NFIB: variants seen among roughly 807,000 people sequenced by gnomAD.
NFIB encodes nuclear factor I B.
Under a neutral mutation model 61.5 loss-of-function variants are expected in NFIB, and 11 were observed. That is an observed-to-expected ratio of 0.18 (90% CI 0.11 to 0.30). NFIB has a LOEUF of 0.30. Ranked by LOEUF, NFIB falls within the 10% of genes least tolerant of loss-of-function variation. NFIB has a pLI of 1.00. For missense variants in NFIB, 471 were observed against 608.9 expected, an observed-to-expected ratio of 0.77 and a Z score of 2.38; for synonymous variants, 260 against 216.5, an observed-to-expected ratio of 1.20 and a Z score of -1.76.
At chr9:14,211,700 G>T (rs938366584) in intron 2 of NFIB, among the ~76,000 whole-genome samples, 1 of 152,200 alleles carries the variant, frequency 6.6e-6, no homozygotes, top group African/African-American at 2.4e-5. Flanking sequence ...TCCACCCTGC[G>T]GGGCCGTCTG....
intron 1 of NFIB, among the ~76,000 whole-genome samples, chr9:14,369,539 C>G (rs1305045096): frequency 6.6e-6 from 1 of 152,026 alleles, no homozygotes; most frequent in African/African-American, 2.4e-5. Flanking sequence ...TTAACATCTC[C>G]AAGCCAGAAC....
the NFIB span, among the ~76,000 whole-genome samples, chr9:14,449,837 G>C: frequency 6.6e-6 from 1 of 152,084 alleles, no homozygotes; most frequent in Non-Finnish European, 1.5e-5. Context: ...CGGAGGCTGA[G>C]GCATGAGAAT....
chr9:14,421,815 A>G, the NFIB span, among the ~76,000 whole-genome samples: 1 of 152,210 alleles, frequency 6.6e-6, no homozygotes, highest in Non-Finnish European at 1.5e-5. Context: ...CAATTCTTCT[A>G]TATTTTCATG....
At chr9:14,179,909 TC>T (rs2046578670) in intron 2 of NFIB, 129 bp from the exon 3 acceptor site, 14 of 746,790 alleles carry the variant, frequency 1.9e-5, no homozygotes, top group Non-Finnish European at 2.8e-5. Context: ...AAATACACTT[TC>T]CCAAGACTTT....
At chr9:14,456,037 G>T in the NFIB span, among the ~76,000 whole-genome samples, 1 of 152,092 alleles carries the variant, frequency 6.6e-6, no homozygotes, top group Non-Finnish European at 1.5e-5. Context: ...AAACAAGTTG[G>T]ACCTGACCTC....
the NFIB span, among the ~76,000 whole-genome samples, chr9:14,476,282 A>G: frequency 6.6e-6 from 1 of 150,588 alleles, no homozygotes; most frequent in South Asian, 2.1e-4. Flanking sequence ...ATTAAATGGG[A>G]AAAACACTCA....
At chr9:14,293,570 T>A (rs1270356287) in intron 2 of NFIB, among the ~76,000 whole-genome samples, 4 of 152,220 alleles carry the variant, frequency 2.6e-5, no homozygotes, top group African/African-American at 9.6e-5. Flanking sequence ...AACAAAGCTG[T>A]AATGATGATG....
intron 6 of NFIB, among the ~76,000 whole-genome samples, chr9:14,139,493 A>G (rs2041450337): frequency 6.6e-6 from 1 of 152,178 alleles, no homozygotes; most frequent in Admixed American, 6.5e-5. Context: ...CCACTTCCCT[A>G]TTTTAAGCTG....
intron 1 of NFIB, among the ~76,000 whole-genome samples, chr9:14,332,846 A>G (rs1418433694): frequency 1.3e-5 from 2 of 152,188 alleles, no homozygotes; most frequent in Admixed American, 6.5e-5. Flanking sequence ...TAACAGAAAC[A>G]TAGAGCTTGT....
chr9:14,378,791 G>A (rs1293162324), intron 1 of NFIB, among the ~76,000 whole-genome samples: 2 of 152,194 alleles, frequency 1.3e-5, no homozygotes, highest in African/African-American at 4.8e-5. Flanking sequence ...GACCGTGATT[G>A]TTACCTGGAG....
intron 5 of NFIB, among the ~76,000 whole-genome samples, chr9:14,148,911 G>A (rs149595095): frequency 1.8e-3 from 280 of 152,220 alleles, no homozygotes; most frequent in African/African-American, 6.5e-3. Context: ...TGAGTCAGCA[G>A]AAAATCTGCC....
intron 2 of NFIB, among the ~76,000 whole-genome samples, chr9:14,231,138 ATATATATATAT>A (rs1563926552): frequency 1.1e-5 from 1 of 90,142 alleles, no homozygotes; most frequent in African/African-American, 4.7e-5. Flanking sequence ...AAAAAAAAAT[ATATATATATAT>A]ATATATATAT....
At chr9:14,088,510 T>C (rs2033247435) in intron 10 of NFIB, among the ~76,000 whole-genome samples, 184 bp from the exon 11 acceptor site, 1 of 152,156 alleles carries the variant, frequency 6.6e-6, no homozygotes, top group Admixed American at 6.5e-5. Flanking sequence ...ATCTAAACTC[T>C]ATAGTCTATT....
At chr9:14,195,541 G>A (rs2131587808) in intron 2 of NFIB, among the ~76,000 whole-genome samples, 1 of 152,304 alleles carries the variant, frequency 6.6e-6, no homozygotes, top group East Asian at 1.9e-4. Context: ...CTTTTATTGT[G>A]TTGCCACTTC....
intron 2 of NFIB, among the ~76,000 whole-genome samples, chr9:14,249,230 T>C (rs992776157): frequency 6.8e-5 from 10 of 146,648 alleles, no homozygotes; most frequent in Non-Finnish European, 1.2e-4. Flanking sequence ...TGGGGGTAGA[T>C]ATTATTATCT....
intron 2 of NFIB, among the ~76,000 whole-genome samples, chr9:14,254,453 C>A (rs143141702): frequency 6.6e-6 from 1 of 152,254 alleles, no homozygotes; most frequent in Non-Finnish European, 1.5e-5. Flanking sequence ...TATGGGCTTG[C>A]GTTACTTACT....
chr9:14,262,277 T>C (rs149774171), intron 2 of NFIB, among the ~76,000 whole-genome samples: 3 of 152,230 alleles, frequency 2.0e-5, no homozygotes, highest in Admixed American at 1.3e-4. Flanking sequence ...ACTTTCTTCC[T>C]GCTGGATCCC....
Position 14,372,014 on chromosome 9 carries a change from C to T in NFIB, c.108+26510G>A, listed in dbSNP as rs531954595. Among the ~76,000 whole-genome samples the T allele has an allele frequency of 6.6e-5, 10 of 152,150 alleles. No individual in the cohort carries two copies. In the South Asian group the frequency reaches 1.9e-3, roughly 28 times the overall value. On this transcript the variant is annotated intron_variant, in intron 1 of 8. Transcript: ENST00000380934. Reference sequence around the variant, plus strand: ...CTTGGAAGAGAAGCTGAGGATGAGCCTCACTCGGTGAGCTTAGAGCACCAT... The same window carrying T: ...CTTGGAAGAGAAGCTGAGGATGAGCTTCACTCGGTGAGCTTAGAGCACCAT...
the NFIB span, among the ~76,000 whole-genome samples, chr9:14,527,720 A>G: frequency 6.6e-5 from 10 of 152,318 alleles, no homozygotes; most frequent in East Asian, 1.9e-3. Context: ...AATAGATCCA[A>G]TATTTAGACA....
Sources: gnomAD v4.1 joint callset for allele counts (sites outside exome capture counted in the v4.1 genomes callset) on GRCh38, gnomAD v4.1.1 for gene constraint, MANE v1.5 for transcripts, NCBI Gene and HGNC (gene_info 2026-07-23, HGNC 2026-07-21) for gene names.